DNAH6: variants seen among roughly 807,000 people sequenced by gnomAD.
DNAH6 encodes the protein dynein axonemal heavy chain 6.
Under a neutral mutation model 491.4 loss-of-function variants are expected in DNAH6, and 340 were observed. The observed-to-expected ratio is 0.69, with a 90% confidence interval of 0.63 to 0.76. DNAH6 has a LOEUF of 0.76. DNAH6 is among the 30% of genes least tolerant of loss of function. DNAH6 has a pLI of 0.00. For synonymous variants in DNAH6, 1,603 were observed against 1,686.1 expected, an observed-to-expected ratio of 0.95 and a Z score of 1.21; for missense variants, 4,443 against 4,972.2, an observed-to-expected ratio of 0.89 and a Z score of 3.20.
chr2:84,520,027 TCTC>T (rs5832614), intron 2 of DNAH6, among the ~76,000 whole-genome samples: 123,905 of 151,638 alleles, frequency 0.82, 53,210 homozygotes, highest in East Asian at 0.99. Context: ...ACTAAATCAT[TCTC>T]CTCTTTTGAG....
chr2:84,639,665 C>T (rs992796942), intron 31 of DNAH6, among the ~76,000 whole-genome samples: 14 of 152,070 alleles, frequency 9.2e-5, no homozygotes, highest in African/African-American at 3.4e-4. Flanking sequence ...AGTGACTCAC[C>T]CATCTCGATC....
chr2:84,766,810 G>A (rs576781381), intron 64 of DNAH6, among the ~76,000 whole-genome samples: 1 of 152,228 alleles, frequency 6.6e-6, no homozygotes, highest in South Asian at 2.1e-4. Context: ...TTGCTTCAAA[G>A]GACAAAGGAG....
At chr2:84,546,499 G>T (rs1678807244) in intron 5 of DNAH6, among the ~76,000 whole-genome samples, 1 of 152,158 alleles carries the variant, frequency 6.6e-6, no homozygotes, top group African/African-American at 2.4e-5. Flanking sequence ...GGAACCCGAG[G>T]ATACAGAAGG....
chr2:84,757,273 A>G (rs1674124296), intron 63 of DNAH6, among the ~76,000 whole-genome samples: 1 of 152,210 alleles, frequency 6.6e-6, no homozygotes, highest in African/African-American at 2.4e-5. Flanking sequence ...CTAGGAACCT[A>G]CAGCAGCACA....
chr2:84,551,024 C>T (rs1198200924), intron 9 of DNAH6, among the ~76,000 whole-genome samples: 6 of 152,080 alleles, frequency 3.9e-5, no homozygotes, highest in Non-Finnish European at 8.8e-5. Context: ...GTAAGTTTTG[C>T]CCTAGCTCCA....
chr2:84,508,175 C>A, the DNAH6 span, among the ~76,000 whole-genome samples: 1 of 152,156 alleles, frequency 6.6e-6, no homozygotes, highest in African/African-American at 2.4e-5. Flanking sequence ...TAGTAGAATT[C>A]GGCTGTGAAT....
At chr2:84,682,540 C>G (rs978654871) in intron 42 of DNAH6, among the ~76,000 whole-genome samples, 1 of 152,198 alleles carries the variant, frequency 6.6e-6, no homozygotes, top group African/African-American at 2.4e-5. Flanking sequence ...TATCCAGCTT[C>G]CTTCTCAGTG....
At chr2:84,785,524 A>G (rs1677093359) in intron 66 of DNAH6, 86 bp from the exon 67 acceptor site, 9 of 1,303,910 alleles carry the variant, frequency 6.9e-6, no homozygotes, top group Non-Finnish European at 9.1e-6. Context: ...CATCATTTCA[A>G]TGGCTTCAGT....
chr2:84,642,848 G>A (rs1008908238), intron 33 of DNAH6, among the ~76,000 whole-genome samples: 5 of 151,788 alleles, frequency 3.3e-5, no homozygotes, highest in Admixed American at 6.6e-5. Flanking sequence ...ATATACACAG[G>A]CATATATAAT....
At chr2:84,802,005 A>G (rs948988089) in intron 70 of DNAH6, among the ~76,000 whole-genome samples, 1 of 152,204 alleles carries the variant, frequency 6.6e-6, no homozygotes, top group Non-Finnish European at 1.5e-5. Flanking sequence ...CAAGCAAGTA[A>G]TCACTGAGGG....
At chr2:84,641,163 T>C (rs1689351636) in intron 32 of DNAH6, among the ~76,000 whole-genome samples, 2 of 152,128 alleles carry the variant, frequency 1.3e-5, no homozygotes. Flanking sequence ...GCATCTGGAA[T>C]CCCCAACTTG....
At chr2:84,765,662 T>C (rs1297920854) in intron 64 of DNAH6, among the ~76,000 whole-genome samples, 1 of 151,738 alleles carries the variant, frequency 6.6e-6, no homozygotes, top group African/African-American at 2.4e-5. Flanking sequence ...CAGATAGGAA[T>C]AAAGAAAATC....
At position 84,768,929 on chromosome 2, in the gene DNAH6, G is replaced by A. The variant is rs532832621; in HGVS notation, c.10703+5984G>A. ...AAATTCCAAAAATCTATCTCTACAC[G>A]TGTAAGGAAAATCTATGTGCTATGG... On this transcript the variant is annotated intron_variant, in intron 64 of 76. Transcript: ENST00000389394. Among the ~76,000 whole-genome samples, 65 of 152,312 alleles carry A rather than the reference G, an allele frequency of 4.3e-4. 1 individual carries two copies. Among genetic ancestry groups the A allele is most frequent in the Non-Finnish European group, 8.5e-4 (58 of 68,034 alleles).
chr2:84,685,159 T>C (rs1558907083), intron 42 of DNAH6, among the ~76,000 whole-genome samples, 167 bp from the exon 43 acceptor site: 1 of 152,144 alleles, frequency 6.6e-6, no homozygotes, highest in Non-Finnish European at 1.5e-5. Context: ...AGATTTGTTA[T>C]CAAAAAATGA....
Position 84,598,100 on chromosome 2 carries a change from TGG to T in DNAH6, c.2868+2312_2868+2313del, listed in dbSNP as rs1348613403. Among the ~76,000 whole-genome samples the T allele has an allele frequency of 3.3e-3, 480 of 145,332 alleles. 4 individuals are homozygous for T. The highest frequency in any genetic ancestry group is 0.012 in the African/African-American group (423 of 34,968). On this transcript the variant is annotated intron_variant, in intron 18 of 76. Coordinates refer to ENST00000389394, the MANE Select transcript of DNAH6 (RefSeq NM_001370.2). Reference sequence around the variant, plus strand: ...GAGAAAGTGAACTCGTGGTTACTCGTGGAACTCGTGGTTCTTTCTATCTTTCT... The same window carrying T: ...GAGAAAGTGAACTCGTGGTTACTCGTAACTCGTGGTTCTTTCTATCTTTCT...
chr2:84,734,074 T>C (rs1331818422), intron 62 of DNAH6, among the ~76,000 whole-genome samples: 4 of 152,048 alleles, frequency 2.6e-5, no homozygotes, highest in Admixed American at 2.6e-4. Flanking sequence ...ACGACTACTC[T>C]GAATTATAAC....
chr2:84,705,425 A>T, intron 51 of DNAH6, 61 bp from the exon 52 acceptor site: 1 of 1,351,788 alleles, frequency 7.4e-7, no homozygotes, highest in Non-Finnish European at 9.9e-7. Context: ...AAAGAAATAC[A>T]TTCTTTTGTT....
intron 37 of DNAH6, among the ~76,000 whole-genome samples, chr2:84,662,725 G>A (rs1296906459): frequency 2.6e-5 from 4 of 152,318 alleles, no homozygotes; most frequent in South Asian, 2.1e-4. Context: ...AGACTTAAAC[G>A]TCCCTGTCTG....
chr2:84,724,379 G>T (rs565650508), intron 60 of DNAH6, among the ~76,000 whole-genome samples: 15 of 152,180 alleles, frequency 9.9e-5, no homozygotes, highest in African/African-American at 3.6e-4. Flanking sequence ...CACAGATATT[G>T]CCCATCAACA....
Sources: allele counts gnomAD v4.1 joint callset (sites outside exome capture counted in the v4.1 genomes callset), GRCh38; gene constraint gnomAD v4.1.1; transcripts MANE v1.5; gene names NCBI Gene and HGNC (gene_info 2026-07-23, HGNC 2026-07-21).